The following PSD3 variants were observed in gnomAD, a reference collection of about 807,000 sequenced individuals.
PSD3 encodes pleckstrin and Sec7 domain containing 3.
In PSD3, 49 loss-of-function variants were observed where a neutral mutation model predicts 105.5. The ratio of observed to expected loss-of-function variants is 0.46; its 90% CI spans 0.37 to 0.59. The LOEUF (loss-of-function observed/expected upper bound fraction) is 0.59. PSD3 is among the 20% of genes least tolerant of loss of function. The pLI is 0.00. For synonymous variants in PSD3, 557 were observed against 457.8 expected (o/e 1.22, Z -2.77); for missense variants, 1,561 against 1,263.8 (o/e 1.24, Z -3.57).
chr8:18,836,585 A>T (rs7826265), intron 4 of PSD3, among the ~76,000 whole-genome samples: 1,788 of 152,258 alleles, frequency 0.012, 30 homozygotes, highest in African/African-American at 0.041. Context: ...GTCCCGCCAT[A>T]TCCATGAGGG....
chr8:18,575,416 G>C (rs1261440887), intron 12 of PSD3, 131 bp from the exon 13 acceptor site: 1 of 836,862 alleles, frequency 1.2e-6, no homozygotes, highest in Non-Finnish European at 1.7e-6. Flanking sequence ...GAAACAAACG[G>C]TGAGTAAAAA....
At chr8:18,921,696 T>C (rs1563423346) in intron 2 of PSD3, among the ~76,000 whole-genome samples, 1 of 152,186 alleles carries the variant, frequency 6.6e-6, no homozygotes, top group Non-Finnish European at 1.5e-5. Flanking sequence ...AAGTGTGACA[T>C]AATGAAACTC....
At chr8:18,828,067 ATTTTTTTT>A (rs71218905) in intron 4 of PSD3, among the ~76,000 whole-genome samples, 1 of 118,896 alleles carries the variant, frequency 8.4e-6, no homozygotes, top group South Asian at 2.6e-4. Flanking sequence ...ATATATATAT[ATTTTTTTT>A]TTTTTACAAA....
intron 9 of PSD3, among the ~76,000 whole-genome samples, chr8:18,743,846 G>A (rs535916408): frequency 3.2e-4 from 49 of 151,774 alleles, no homozygotes; most frequent in African/African-American, 1.0e-3. Flanking sequence ...CTACTTTGAG[G>A]GGGGAGGTTA....
At chr8:18,951,489 C>A (rs527355924) in intron 1 of PSD3, among the ~76,000 whole-genome samples, 50 of 152,254 alleles carry the variant, frequency 3.3e-4, no homozygotes, top group Non-Finnish European at 5.9e-4. Flanking sequence ...AGGGCCACAG[C>A]CACCATTCCT....
intron 2 of PSD3, among the ~76,000 whole-genome samples, chr8:18,899,292 A>AT (rs1411766319): frequency 1.3e-5 from 2 of 152,034 alleles, no homozygotes; most frequent in African/African-American, 4.8e-5. Context: ...CTTTTTTCCC[A>AT]TATCTACAAT....
intron 9 of PSD3, among the ~76,000 whole-genome samples, chr8:18,657,362 C>G (rs1038606): frequency 0.31 from 46,631 of 152,042 alleles, 7,416 homozygotes; most frequent in South Asian, 0.48. Context: ...GTATTCTTAG[C>G]CAGTATCTTG....
intron 14 of PSD3, among the ~76,000 whole-genome samples, chr8:18,561,624 T>C (rs1012129874): frequency 2.0e-5 from 3 of 152,248 alleles, no homozygotes; most frequent in African/African-American, 7.2e-5. Flanking sequence ...CCATAAAAAA[T>C]TGATATAGCA....
chr8:18,990,709 T>G (rs76667139), intron 1 of PSD3, among the ~76,000 whole-genome samples: 16,802 of 152,196 alleles, frequency 0.11, 1,122 homozygotes, highest in Non-Finnish European at 0.16. Flanking sequence ...ACAGAATATT[T>G]TAAAGTAATT....
In PSD3 at chr8:18,607,699, AAC is replaced by A. The variant is rs1236240974; in HGVS notation, c.2411-7267_2411-7266del. 1.4e-4 allele frequency among the ~76,000 whole-genome samples: 13 copies of A among 90,324 alleles called. 2 individuals are homozygous for A. Among genetic ancestry groups the A allele is most frequent in the African/African-American group, 1.6e-4 (3 of 18,946 alleles). The allele number at this position is 90,324 out of a possible 152,430, so 59.3% of individuals were successfully genotyped here. On this transcript the variant is annotated intron_variant, in intron 11 of 15. Transcript: ENST00000327040. ...CCACTGCTACAAAAAAAAAAAACAAAACAAAAAAAAAAAGGAAGTCAGGTGTA... is the reference window on the plus strand; with the variant it reads ...CCACTGCTACAAAAAAAAAAAACAAAAAAAAAAAAAAGGAAGTCAGGTGTA...
chr8:18,631,727 G>A (rs1386350585), intron 11 of PSD3, among the ~76,000 whole-genome samples: 1 of 151,804 alleles, frequency 6.6e-6, no homozygotes, highest in African/African-American at 2.4e-5. Context: ...AAGAACTTGG[G>A]AACATTAAGA....
intron 11 of PSD3, among the ~76,000 whole-genome samples, chr8:18,627,869 A>G (rs1196963100): frequency 1.3e-5 from 2 of 152,020 alleles, no homozygotes; most frequent in Non-Finnish European, 2.9e-5. Flanking sequence ...AGTTCCAGAA[A>G]CGACAGAAAG....
intron 9 of PSD3, 60 bp downstream of exon 9, chr8:18,765,389 A>C: frequency 7.0e-7 from 1 of 1,421,976 alleles, no homozygotes; most frequent in Non-Finnish European, 9.9e-7. Context: ...CTTAGGATTA[A>C]GCTGTAAGCA....
chr8:18,795,552 G>C (rs961723634), intron 8 of PSD3, among the ~76,000 whole-genome samples: 1 of 152,216 alleles, frequency 6.6e-6, no homozygotes, highest in Non-Finnish European at 1.5e-5. Context: ...ACTGACTTGT[G>C]TATCTCTTGT....
intron 9 of PSD3, among the ~76,000 whole-genome samples, chr8:18,698,183 C>A (rs1413409098): frequency 1.3e-5 from 2 of 152,122 alleles, no homozygotes; most frequent in Non-Finnish European, 2.9e-5. Context: ...ATTGTAACCT[C>A]GAACTCCTAG....
At chr8:18,833,307 T>C (rs1813827736) in intron 4 of PSD3, among the ~76,000 whole-genome samples, 3 of 152,206 alleles carry the variant, frequency 2.0e-5, no homozygotes, top group Admixed American at 6.5e-5. Flanking sequence ...AGGCAGAAGA[T>C]GAAGGTGGAG....
At chr8:18,724,423 G>A (rs1227608302) in intron 9 of PSD3, among the ~76,000 whole-genome samples, 1 of 151,982 alleles carries the variant, frequency 6.6e-6, no homozygotes, top group Non-Finnish European at 1.5e-5. Flanking sequence ...GCCAGCCTGG[G>A]CAACATAGCG....
chr8:18,736,165 C>G (rs1486448371), intron 9 of PSD3, among the ~76,000 whole-genome samples: 1 of 152,120 alleles, frequency 6.6e-6, no homozygotes, highest in Non-Finnish European at 1.5e-5. Context: ...ATTTCTATAA[C>G]CTCCAACTTC....
intron 14 of PSD3, among the ~76,000 whole-genome samples, chr8:18,563,064 A>C (rs965877880): frequency 1.3e-5 from 2 of 152,186 alleles, no homozygotes; most frequent in East Asian, 1.9e-4. Context: ...CCTTTGTGTG[A>C]GTTTTATCTC....
Sources: gnomAD v4.1 joint callset for allele counts (sites outside exome capture counted in the v4.1 genomes callset) on GRCh38, gnomAD v4.1.1 for gene constraint, MANE v1.5 for transcripts, NCBI Gene and HGNC (gene_info 2026-07-23, HGNC 2026-07-21) for gene names.